LPIN1: variants seen among roughly 807,000 people sequenced by gnomAD.
LPIN1 encodes the protein phosphatidate phosphatase LPIN1.
In LPIN1, 71 loss-of-function variants were observed where a neutral mutation model predicts 107.5. That is an observed-to-expected ratio of 0.66 (90% CI 0.55 to 0.80). The LOEUF (loss-of-function observed/expected upper bound fraction) is 0.80, where lower values mean the gene tolerates loss of function less well. LPIN1 is among the 30% of genes least tolerant of loss of function. The pLI is 0.00. For missense variants in LPIN1, 1,043 were observed against 1,160.6 expected, an observed-to-expected ratio of 0.90 and a Z score of 1.47; for synonymous variants, 445 against 452.6, an observed-to-expected ratio of 0.98 and a Z score of 0.21.
rs1440416304 is a variant in LPIN1 at position 11,811,682 on chromosome 2, G to C, written c.2250-3406G>C. On this transcript the variant is annotated intron_variant, in intron 17 of 20. Coordinates refer to ENST00000674199, the MANE Select transcript of LPIN1 (RefSeq NM_001349206.2). ...ATGAATTAGATGGCTAAAATACAAA[G>C]ATATTTAGAAATTAAAAAGATTGGC... 2.0e-5 allele frequency among the ~76,000 whole-genome samples: 3 copies of C among 152,324 alleles called. No individual in the cohort carries two copies. In the East Asian group the frequency reaches 5.8e-4, roughly 29 times the overall value.
rs200834375 is a variant in LPIN1, at chr2:11,688,972, TACAA to T, written c.81+11246_81+11249del. Among the ~76,000 whole-genome samples the T allele has an allele frequency of 6.5e-3, 992 of 152,274 alleles. 14 individuals are homozygous for T. Among genetic ancestry groups the T allele is most frequent in the African/African-American group, 0.023 (958 of 41,554 alleles). The stretch of plus-strand genomic sequence containing the variant: ...GCCCACTGGGTGAGAGGTCACCAGA[TACAA>T]AGAAAAGGAACAGCAAGTCTTCTAT... On this transcript the variant is annotated intron_variant, in intron 1 of 21. Coordinates refer to the LPIN1 transcript ENST00000449576.
chr2:11,678,470 C>T (rs1396889759), intron 1 of LPIN1, among the ~76,000 whole-genome samples: 4 of 152,148 alleles, frequency 2.6e-5, no homozygotes, highest in African/African-American at 7.2e-5. Flanking sequence ...AATGGTGCGT[C>T]GGGGACACCT....
At chr2:11,690,571 T>C (rs1486536406) in intron 1 of LPIN1, among the ~76,000 whole-genome samples, 1 of 152,200 alleles carries the variant, frequency 6.6e-6, no homozygotes, top group Non-Finnish European at 1.5e-5. Context: ...AATTCTCCTT[T>C]CTGGCACGAT....
chr2:11,744,357 T>C (rs1047198140), upstream of LPIN1, among the ~76,000 whole-genome samples: 15 of 152,240 alleles, frequency 9.9e-5, no homozygotes, highest in African/African-American at 3.4e-4. Flanking sequence ...GCCAGGGCTT[T>C]GGAAAGTCCG....
chr2:11,772,456 T>C (rs1483495489), intron 4 of LPIN1, among the ~76,000 whole-genome samples: 2 of 152,224 alleles, frequency 1.3e-5, no homozygotes, highest in African/African-American at 2.4e-5. Context: ...AAATTAATAG[T>C]TCATGACCAA....
chr2:11,811,940 G>A (rs769560266), intron 17 of LPIN1, among the ~76,000 whole-genome samples: 6 of 152,078 alleles, frequency 3.9e-5, no homozygotes, highest in Non-Finnish European at 7.3e-5. Flanking sequence ...AGCTGAGATC[G>A]TGCCACTGCA....
rs375758709 is a variant in LPIN1 at position 11,799,067 on chromosome 2, G to A, written c.1886+3580G>A. Among the ~76,000 whole-genome samples, 4 of 152,174 alleles carry A rather than the reference G, an allele frequency of 2.6e-5. No individual in the cohort carries two copies. In the East Asian group the frequency reaches 5.8e-4, roughly 22 times the overall value. Reference sequence around the variant, plus strand: ...TGTAAGGGGTGGGGTGGGGGCCTCCGAAAAGGAGGCATTTTATTCTGTGCA... The same window carrying A: ...TGTAAGGGGTGGGGTGGGGGCCTCCAAAAAGGAGGCATTTTATTCTGTGCA... On this transcript the variant is annotated intron_variant, in intron 14 of 20. Coordinates refer to ENST00000674199, the MANE Select transcript of LPIN1 (RefSeq NM_001349206.2).
In LPIN1 at chr2:11,774,675, T is replaced by C. The variant is rs892657843; in HGVS notation, c.722+930T>C. On this transcript the variant is annotated intron_variant, in intron 5 of 20. Coordinates refer to ENST00000674199, the MANE Select transcript of LPIN1 (RefSeq NM_001349206.2). This position sits in a 1 kb window ranked among gnomAD's most constrained non-coding sequence, Gnocchi z 4.4. ...GGGTTCCTACCTGAAGCCGGTCTTA[T>C]CAAAACGCCACCCCTGGTTCCAGTT... 6.6e-6 allele frequency among the ~76,000 whole-genome samples: 1 copy of C among 152,196 alleles called. No homozygotes were observed. Among genetic ancestry groups the C allele is most frequent in the South Asian group, 2.1e-4 (1 of 4,828 alleles).
chr2:11,795,024 A>C (rs1176708933), intron 13 of LPIN1, among the ~76,000 whole-genome samples: 1 of 152,224 alleles, frequency 6.6e-6, no homozygotes, highest in Non-Finnish European at 1.5e-5. Context: ...ATATGGTACA[A>C]AAATATTTTC....
intron 1 of LPIN1, among the ~76,000 whole-genome samples, chr2:11,758,461 C>T (rs995448032): frequency 1.3e-5 from 2 of 152,002 alleles, no homozygotes; most frequent in East Asian, 1.9e-4. Context: ...TAAATAGTAG[C>T]CATCTTAATA....
chr2:11,677,815 G>A (rs1016596861), intron 1 of LPIN1: 21 of 1,191,392 alleles, frequency 1.8e-5, no homozygotes, highest in African/African-American at 1.5e-4. Flanking sequence ...GATGGGACCC[G>A]GGGAACATTT....
At chr2:11,727,434 C>A (rs1289164324) in intron 1 of LPIN1, among the ~76,000 whole-genome samples, 1 of 152,186 alleles carries the variant, frequency 6.6e-6, no homozygotes, top group Non-Finnish European at 1.5e-5. Flanking sequence ...ATCCTCCAGG[C>A]TCATGTGGCA....
In LPIN1 at chr2:11,805,128, A is replaced by G. The variant is rs754566566; in HGVS notation, c.2221A>G (p.Ile741Val). 1.9e-6 allele frequency: 3 copies of G among 1,613,960 alleles called. No homozygotes were observed. Among genetic ancestry groups the G allele is most frequent in the Non-Finnish European group, 2.5e-6 (3 of 1,179,958 alleles). Residue 741 changes from isoleucine to valine, a missense_variant, in exon 17 of 21, where the codon ATC (isoleucine) becomes GTC (valine). Physicochemically the swap from Ile to Val is conservative, Grantham distance 29. Coordinates refer to ENST00000674199, the MANE Select transcript of LPIN1 (RefSeq NM_001349206.2). ...TGGGAAGGATTGGACCCATCAGGGC[A>G]TCGCTAAGCTGTACCATAAAGTGAG... ...TLGKDWTHQG[I>V]AKLYHKVSQN...
intron 6 of LPIN1, among the ~76,000 whole-genome samples, chr2:11,778,474 A>G (rs1017290401): frequency 1.3e-5 from 2 of 152,228 alleles, no homozygotes; most frequent in Admixed American, 1.3e-4. Flanking sequence ...CAAGTTATGT[A>G]TCATCATGAA....
chr2:11,701,441 C>G (rs1225514650), intron 1 of LPIN1, among the ~76,000 whole-genome samples: 3 of 152,192 alleles, frequency 2.0e-5, no homozygotes, highest in Non-Finnish European at 2.9e-5. Flanking sequence ...CTGCTGGTCT[C>G]TCTGCTCTGA....
chr2:11,680,042 T>C (rs1572286200), intron 1 of LPIN1, among the ~76,000 whole-genome samples: 4 of 151,526 alleles, frequency 2.6e-5, no homozygotes, highest in Admixed American at 2.6e-4. Context: ...GGGCCCAGAG[T>C]TGGGGCTTCA....
At chr2:11,759,190 T>TTTCTTTCTTTTC (rs1553418553) in intron 1 of LPIN1, among the ~76,000 whole-genome samples, 3 of 122,946 alleles carry the variant, frequency 2.4e-5, no homozygotes, top group African/African-American at 6.4e-5. Context: ...TCTTTCTTTC[T>TTTCTTTCTTTTC]TTTCTTTCTT....
chr2:11,806,355 A>G (rs1228534126), intron 17 of LPIN1, among the ~76,000 whole-genome samples: 1 of 152,182 alleles, frequency 6.6e-6, no homozygotes, highest in Non-Finnish European at 1.5e-5. Context: ...TGGGATTGCT[A>G]TGAACTAGGT....
chr2:11,801,065 C>T (rs1260918929), intron 14 of LPIN1, among the ~76,000 whole-genome samples: 2 of 152,160 alleles, frequency 1.3e-5, no homozygotes. Flanking sequence ...TAGCATCTCA[C>T]CCCAGTTAGC....
Sources: gnomAD v4.1 joint callset for allele counts (sites outside exome capture counted in the v4.1 genomes callset) on GRCh38, gnomAD v4.1.1 for gene constraint, Gnocchi (gnomAD v3.1) non-coding constraint, MANE v1.5 for transcripts, NCBI Gene and HGNC (gene_info 2026-07-23, HGNC 2026-07-21) for gene names.